Variants in GOLGA3 observed in about 807,000 individuals in gnomAD.
GOLGA3 encodes golgin A3, also known as golgin subfamily A member 3.
Under a neutral mutation model 169.4 loss-of-function variants are expected in GOLGA3, and 75 were observed. The observed-to-expected ratio is 0.44, with a 90% CI of 0.37 to 0.54. GOLGA3 has a LOEUF of 0.54. Ranked by LOEUF, GOLGA3 falls within the 20% of genes least tolerant of loss-of-function variation. The pLI, the probability that GOLGA3 is intolerant of heterozygous loss-of-function variation, is 0.00. For synonymous variants in GOLGA3, 824 were observed against 822.4 expected, an observed-to-expected ratio of 1.00 and a Z score of -0.03; for missense variants, 1,899 against 1,930.0, an observed-to-expected ratio of 0.98 and a Z score of 0.30.
chr12:132,821,637 G>A (rs766729564), intron 2 of GOLGA3, among the ~76,000 whole-genome samples: 5 of 151,800 alleles, frequency 3.3e-5, no homozygotes, highest in African/African-American at 4.8e-5. Context: ...GGCGGATCAC[G>A]AAGTCAGGAG....
At chr12:132,823,856 G>A (rs1270126756) in intron 1 of GOLGA3, among the ~76,000 whole-genome samples, 2 of 151,744 alleles carry the variant, frequency 1.3e-5, no homozygotes, top group African/African-American at 2.4e-5. Flanking sequence ...GTCAAGGTGG[G>A]TGGATCACTT....
chr12:132,789,846 C>A (rs955704075), intron 12 of GOLGA3, among the ~76,000 whole-genome samples: 2 of 151,704 alleles, frequency 1.3e-5, no homozygotes, highest in Admixed American at 1.3e-4. Flanking sequence ...GCCTGGCCAA[C>A]AAGGTGAAAA....
At chr12:132,774,035 C>A (rs765740955) in intron 23 of GOLGA3, 122 bp downstream of exon 23, 47 of 868,038 alleles carry the variant, frequency 5.4e-5, no homozygotes, top group Non-Finnish European at 7.7e-5. Context: ...GAGTCCCCCA[C>A]CCTTATATAA....
intron 23 of GOLGA3, among the ~76,000 whole-genome samples, chr12:132,773,752 G>A (rs1055639220): frequency 6.7e-6 from 1 of 149,828 alleles, no homozygotes. Context: ...GAGGCTGTGC[G>A]AGTCCCCCTC....
At position 132,827,448 on chromosome 12, in the gene GOLGA3, TA is replaced by T. The variant is rs1950468963; in HGVS notation, c.-184+1354del. Among the ~76,000 whole-genome samples the T allele has an allele frequency of 3.3e-5, 5 of 152,190 alleles. No homozygotes were observed. In the South Asian group the frequency reaches 1.0e-3, roughly 31 times the overall value. ...CACATTTAGCCTGTTTCCTCACCAG[TA>T]AAACAATGAGAAAATGAACGCAAAA... On this transcript the variant is annotated intron_variant, in intron 1 of 23. Transcript: ENST00000450791.
At position 132,816,444 on chromosome 12, in the gene GOLGA3, C is replaced by G. The variant is rs995149615; in HGVS notation, c.406+96G>C. 3 of 1,314,304 alleles carry G rather than the reference C, an allele frequency of 2.3e-6. No individual in the cohort carries two copies. The African/African-American group carries it at 4.4e-5, about 19-fold the overall frequency. The allele number at this position is 1,314,304 out of a possible 1,614,324, so 81.4% of individuals were successfully genotyped here. A position where few individuals can be genotyped will look rare whatever the true frequency, so the allele number is the denominator to read the frequency against. ...ATGGCACACGGCAGGCACAGGCACACAACAGCTCAGACAGTGAGTGCGCAG... is the reference window on the plus strand; with the variant it reads ...ATGGCACACGGCAGGCACAGGCACAGAACAGCTCAGACAGTGAGTGCGCAG... On this transcript the variant is annotated intron_variant, in intron 3 of 23. Coordinates refer to ENST00000450791, the MANE Select transcript of GOLGA3 (RefSeq NM_001389683.1).
chr12:132,786,465 G>C lies in GOLGA3; in HGVS notation c.2997C>G (p.Tyr999Ter), dbSNP rs373159506. Residue 999 changes from tyrosine to a stop codon, truncating the protein, a stop_gained, in exon 15 of 24, where the codon TAC (tyrosine) becomes TAG (stop). Transcript: ENST00000450791. LOFTEE classifies it high-confidence loss of function. ...GGCTGAGGATGCCCACGGCGTTCTCGTAGGCCTTATGTTTGGTCTTCATCT... is the reference window on the plus strand; with the variant it reads ...GGCTGAGGATGCCCACGGCGTTCTCCTAGGCCTTATGTTTGGTCTTCATCT... ...QKEMKTKHKAYENAVGILSRR... is the reference protein window; with the variant it reads ...QKEMKTKHKA 1 of 1,613,618 alleles carries C rather than the reference G, an allele frequency of 6.2e-7. No individual in the cohort carries two copies. Among genetic ancestry groups the C allele is most frequent in the Non-Finnish European group, 8.5e-7 (1 of 1,179,942 alleles).
intron 17 of GOLGA3, among the ~76,000 whole-genome samples, chr12:132,781,264 CAA>C (rs557191652): frequency 6.8e-6 from 1 of 147,384 alleles, no homozygotes; most frequent in African/African-American, 2.5e-5. Context: ...GACCCTGTCT[CAA>C]AAAAAAAAGA....
chr12:132,825,711 T>G (rs1950382421), intron 1 of GOLGA3: 1 of 1,466,654 alleles, frequency 6.8e-7, no homozygotes, highest in African/African-American at 1.4e-5. Flanking sequence ...ATGGCGGACA[T>G]TCAGACTGAG....
chr12:132,773,085 C>T lies in GOLGA3; in HGVS notation c.*20G>A, dbSNP rs368889038. On this transcript the variant is annotated 3_prime_UTR_variant, in exon 24 of 24. Transcript: ENST00000450791. Reference sequence around the variant, plus strand: ...AAGAGCCTTCTGGGGCAGCGGCGCACGGAGGCGAGTCCACAGCAGTCACTC... The same window carrying T: ...AAGAGCCTTCTGGGGCAGCGGCGCATGGAGGCGAGTCCACAGCAGTCACTC... 9.3e-6 allele frequency: 14 copies of T among 1,507,054 alleles called. No individual in the cohort carries two copies. In the South Asian group the frequency reaches 1.2e-4, roughly 13 times the overall value. 93.4% of individuals were successfully genotyped at this position (1,507,054 alleles called of 1,614,324 possible).
intron 2 of GOLGA3, among the ~76,000 whole-genome samples, chr12:132,819,894 AGGCAACAG>A (rs1950139163): frequency 6.6e-6 from 1 of 151,928 alleles, no homozygotes; most frequent in Admixed American, 6.6e-5. Context: ...AAAATGAGCC[AGGCAACAG>A]GGCGCGGTGG....
intron 2 of GOLGA3, 23 bp from the exon 3 acceptor site, chr12:132,816,835 AC>A (rs1949980896): frequency 6.4e-7 from 1 of 1,562,070 alleles, no homozygotes. Context: ...AGCACGCTGG[AC>A]CACCATGGCT....
intron 4 of GOLGA3, among the ~76,000 whole-genome samples, chr12:132,812,297 G>T (rs887811716): frequency 6.6e-6 from 1 of 151,962 alleles, no homozygotes; most frequent in African/African-American, 2.4e-5. Flanking sequence ...TGTACAAGGA[G>T]GTGAATGTCG....
At position 132,808,216 on chromosome 12, in the gene GOLGA3, A is replaced by G; in HGVS notation, c.853T>C (p.Ser285Pro). The G allele has an allele frequency of 1.2e-6, 2 of 1,613,780 alleles. No homozygotes were observed. ...GTGTCGGGGGACAGGCTGATCTCAG[A>G]CACAACGGACGCCGCACTGCTTCTG... ...QNRSSAASVVSEISLSPDTDD... is the reference protein window; with the variant it reads ...QNRSSAASVVPEISLSPDTDD... The change falls in exon 5 of 24, where the codon TCT becomes CCT. Residue 285 changes from serine (S) to proline (P), a missense_variant. Transcript: ENST00000450791.
chr12:132,825,716 A>C (rs1950382603), intron 1 of GOLGA3: 2 of 1,500,138 alleles, frequency 1.3e-6, no homozygotes, highest in African/African-American at 2.8e-5. Flanking sequence ...GGACATTCAG[A>C]CTGAGCGTGC....
In GOLGA3 at chr12:132,784,239, T is replaced by C; in HGVS notation, c.3192A>G (p.Glu1064=). 6.2e-7 allele frequency: 1 copy of C among 1,606,754 alleles called. No individual in the cohort carries two copies. Residue 1064 remains glutamate, a synonymous_variant, in exon 16 of 24, where the codon GAA becomes GAG. Coordinates refer to ENST00000450791, the MANE Select transcript of GOLGA3 (RefSeq NM_001389683.1). ...TGGTCAGCGCTATGACCTCCTGCAG[T>C]TCCTTTTCCAGCAGCGTCTTGCTAT... ...VSHSKTLLEK[E]LQEVIALTSQ...
At chr12:132,774,354 C>CGG (rs767770872) in intron 22 of GOLGA3, 34 bp from the exon 23 acceptor site, 2 of 1,606,180 alleles carry the variant, frequency 1.2e-6, no homozygotes, top group East Asian at 4.5e-5. Flanking sequence ...GCTTTCCCAC[C>CGG]GTCCCCTCCC....
chr12:132,794,253 G>C (rs551927290), intron 11 of GOLGA3, among the ~76,000 whole-genome samples: 1 of 151,998 alleles, frequency 6.6e-6, no homozygotes, highest in Non-Finnish European at 1.5e-5. Context: ...CCAGCACTTC[G>C]GGAGGCTGAG....
At chr12:132,812,059 G>T (rs1432998291) in intron 4 of GOLGA3, among the ~76,000 whole-genome samples, 1 of 149,150 alleles carries the variant, frequency 6.7e-6, no homozygotes, top group African/African-American at 2.5e-5. Context: ...ATGGTGGCAC[G>T]TGCTTTTAAT....
Sources: allele counts gnomAD v4.1 joint callset (sites outside exome capture counted in the v4.1 genomes callset), GRCh38; gene constraint gnomAD v4.1.1; transcripts MANE v1.5; gene names NCBI Gene and HGNC (gene_info 2026-07-23, HGNC 2026-07-21).